UEVLD: variants seen among roughly 807,000 people sequenced by gnomAD.
UEVLD encodes ubiquitin-conjugating enzyme E2 variant 3.
In UEVLD, 47 loss-of-function variants were observed where a neutral mutation model predicts 58.6. The observed-to-expected ratio is 0.80, with a 90% CI of 0.63 to 1.02. The LOEUF is 1.02. Ranked by LOEUF, UEVLD falls within the 50% of genes least tolerant of loss-of-function variation. The pLI is 0.00. For missense variants in UEVLD, 510 were observed against 550.6 expected, an observed-to-expected ratio of 0.93 and a Z score of 0.74; for synonymous variants, 197 against 195.3, an observed-to-expected ratio of 1.01 and a Z score of -0.07.
At chr11:18,587,948 C>T (rs957729898) in intron 1 of UEVLD, among the ~76,000 whole-genome samples, 3 of 152,134 alleles carry the variant, frequency 2.0e-5, no homozygotes, top group Non-Finnish European at 4.4e-5. Flanking sequence ...GGTCAGATTT[C>T]TAGGTCGGCC....
chr11:18,587,837 C>T (rs1158652480), intron 1 of UEVLD: 1 of 152,014 alleles, frequency 6.6e-6, no homozygotes, highest in African/African-American at 2.4e-5. Flanking sequence ...ACCACCTTAA[C>T]TAGGAAACTG....
intron 7 of UEVLD, among the ~76,000 whole-genome samples, chr11:18,554,932 T>G (rs1489943090): frequency 6.6e-6 from 1 of 152,230 alleles, no homozygotes; most frequent in Non-Finnish European, 1.5e-5. Flanking sequence ...CCCCGAATTA[T>G]TGATGTACTT....
intron 7 of UEVLD, among the ~76,000 whole-genome samples, chr11:18,547,558 G>T (rs1399290308): frequency 6.6e-6 from 1 of 152,112 alleles, no homozygotes; most frequent in East Asian, 1.9e-4. Context: ...CAGGGGGGAA[G>T]ATAGCAATAG....
chr11:18,587,895 A>G (rs963814772), intron 1 of UEVLD: 1 of 152,126 alleles, frequency 6.6e-6, no homozygotes, highest in Non-Finnish European at 1.5e-5. Flanking sequence ...ATTCCCTCAG[A>G]TTGTACACCG....
chr11:18,572,386 G>A (rs1330499351), intron 3 of UEVLD, among the ~76,000 whole-genome samples: 8 of 152,176 alleles, frequency 5.3e-5, no homozygotes, highest in Non-Finnish European at 8.8e-5. Context: ...ATTAACAGAA[G>A]TTCCATGCAG....
chr11:18,576,258 A>C (rs989744224), intron 2 of UEVLD, among the ~76,000 whole-genome samples: 16 of 152,204 alleles, frequency 1.1e-4, no homozygotes, highest in African/African-American at 3.9e-4. Context: ...CAAAATTAAA[A>C]ATTATGGTTT....
chr11:18,552,112 T>C (rs958800880), intron 7 of UEVLD, among the ~76,000 whole-genome samples: 1 of 152,202 alleles, frequency 6.6e-6, no homozygotes, highest in Non-Finnish European at 1.5e-5. Context: ...ATTAAGCCAT[T>C]CTTACGGTAC....
intron 9 of UEVLD, among the ~76,000 whole-genome samples, chr11:18,537,277 C>T (rs1850841909): frequency 6.7e-6 from 1 of 150,184 alleles, no homozygotes; most frequent in Non-Finnish European, 1.5e-5. Context: ...CAATTCAAAA[C>T]TTCAAAGCTG....
chr11:18,568,740 A>T (rs1364243198), intron 4 of UEVLD, among the ~76,000 whole-genome samples: 9 of 152,060 alleles, frequency 5.9e-5, no homozygotes, highest in Admixed American at 5.9e-4. Flanking sequence ...AATATAGAAA[A>T]CCATAAAACA....
At chr11:18,540,635 G>GT (rs1851013654) in intron 9 of UEVLD, among the ~76,000 whole-genome samples, 1 of 152,146 alleles carries the variant, frequency 6.6e-6, no homozygotes, top group Admixed American at 6.6e-5. Flanking sequence ...GCTCAGTTAT[G>GT]TTTTAACACT....
At chr11:18,558,440 T>C in intron 6 of UEVLD, 110 bp from the exon 7 acceptor site, 3 of 571,588 alleles carry the variant, frequency 5.2e-6, no homozygotes, top group Middle Eastern at 3.6e-4. Flanking sequence ...CACTGTCTTT[T>C]AGTGTTAAGA....
intron 7 of UEVLD, among the ~76,000 whole-genome samples, chr11:18,547,763 G>A (rs915063192): frequency 2.0e-4 from 31 of 152,246 alleles, no homozygotes; most frequent in African/African-American, 6.5e-4. Flanking sequence ...GGCCATCAGG[G>A]AGGAGTGGAA....
intron 8 of UEVLD, 114 bp from the exon 9 acceptor site, chr11:18,544,910 CAT>C: frequency 1.7e-6 from 1 of 604,932 alleles, no homozygotes; most frequent in Non-Finnish European, 2.6e-6. Context: ...TGCACTGAGG[CAT>C]TATATGTATA....
chr11:18,566,301 G>A (rs1023529843), intron 5 of UEVLD, 46 bp downstream of exon 5: 18 of 1,607,166 alleles, frequency 1.1e-5, no homozygotes, highest in Non-Finnish European at 1.5e-5. Flanking sequence ...GTGAGAAACT[G>A]GTAACTCATA....
chr11:18,566,554 G>T, intron 4 of UEVLD, 72 bp from the exon 5 acceptor site: 1 of 1,520,222 alleles, frequency 6.6e-7, no homozygotes, highest in South Asian at 1.2e-5. Flanking sequence ...GTTGAGGCAG[G>T]AGTATTACTT....
intron 1 of UEVLD, among the ~76,000 whole-genome samples, chr11:18,579,903 C>T (rs565878402): frequency 6.6e-6 from 1 of 152,050 alleles, no homozygotes; most frequent in East Asian, 1.9e-4. Flanking sequence ...AACTACAGAA[C>T]ATTGTTGAAA....
intron 9 of UEVLD, among the ~76,000 whole-genome samples, chr11:18,543,240 T>G (rs1448946212): frequency 6.6e-6 from 1 of 152,198 alleles, no homozygotes; most frequent in African/African-American, 2.4e-5. Context: ...ACTTACATGC[T>G]GAGTGAAGTT....
At chr11:18,545,274 T>C (rs1371751331) in intron 8 of UEVLD, among the ~76,000 whole-genome samples, 1 of 151,924 alleles carries the variant, frequency 6.6e-6, no homozygotes, top group Non-Finnish European at 1.5e-5. Context: ...GGTTTCACCA[T>C]GTTGGCCAGG....
chr11:18,552,097 A>G (rs151284998), intron 7 of UEVLD, among the ~76,000 whole-genome samples: 2 of 152,354 alleles, frequency 1.3e-5, no homozygotes, highest in African/African-American at 2.4e-5. Flanking sequence ...TTTATCTGGT[A>G]TATCATTAAG....
Sources: allele counts gnomAD v4.1 joint callset (sites outside exome capture counted in the v4.1 genomes callset), GRCh38; gene constraint gnomAD v4.1.1; transcripts MANE v1.5; gene names NCBI Gene and HGNC (gene_info 2026-07-23, HGNC 2026-07-21).